CMTM4: variants seen among roughly 807,000 people sequenced by gnomAD.
CMTM4 encodes the protein CKLF like MARVEL transmembrane domain containing 4.
A neutral mutation model predicts 19.0 loss-of-function variants in CMTM4; 8 were observed. That is an observed-to-expected ratio of 0.42 (90% confidence interval 0.25 to 0.76). CMTM4 has a LOEUF of 0.76. Ranked by LOEUF, CMTM4 falls within the 30% of genes least tolerant of loss-of-function variation. CMTM4 has a pLI of 0.27. For synonymous variants in CMTM4, 106 were observed against 121.1 expected, an observed-to-expected ratio of 0.88 and a Z score of 0.82; for missense variants, 228 against 290.2, an observed-to-expected ratio of 0.79 and a Z score of 1.56.
In CMTM4 at chr16:66,617,790, T is replaced by C. The variant is rs1011582251; in HGVS notation, c.*4268A>G. 1.0e-6 allele frequency: 1 copy of C among 1,000,196 alleles called. No individual in the cohort carries two copies. The highest frequency in any genetic ancestry group is 1.7e-5 in the African/African-American group (1 of 57,342). The allele number at this position is 1,000,196 out of a possible 1,614,324, so 62.0% of individuals were successfully genotyped here. A position where few individuals can be genotyped will look rare whatever the true frequency, so the allele number is the denominator to read the frequency against. ...CCAAGCCAGCTTCAGAGTCACCTGC[T>C]GGACCCACATGTTCCTGAGCCAGAT... On this transcript the variant is annotated 3_prime_UTR_variant, in exon 4 of 4. Transcript: ENST00000394106.
At chr16:66,612,606 C>CA, downstream of CMTM4, 1 of 1,614,036 alleles carries the variant, frequency 6.2e-7, no homozygotes, top group Non-Finnish European at 8.5e-7. This position sits in a 1 kb window ranked among gnomAD's most constrained non-coding sequence, Gnocchi z 6.0. Context: ...GCTTTCCTTT[C>CA]AGAAGAGAAT....
In CMTM4 at chr16:66,677,155, G is replaced by A. The variant is rs561924593; in HGVS notation, c.186+19185C>T. ...AGAGCCTGAGGGTCTAGGACCACTT[G>A]GGACGAGGAAGGTTGAGGCTGCAGT... On this transcript the variant is annotated intron_variant, in intron 1 of 3. Coordinates refer to ENST00000394106, the MANE Select transcript of CMTM4 (RefSeq NM_181521.3). 1.8e-3 allele frequency among the ~76,000 whole-genome samples: 276 copies of A among 152,286 alleles called. 3 individuals are homozygous for A. The highest frequency in any genetic ancestry group is 3.5e-3 in the Non-Finnish European group (237 of 68,018).
downstream of CMTM4, among the ~76,000 whole-genome samples, chr16:66,612,122 G>A (rs927776566): frequency 6.6e-6 from 1 of 152,132 alleles, no homozygotes; most frequent in Admixed American, 6.5e-5. This position sits in a 1 kb window ranked among gnomAD's most constrained non-coding sequence, Gnocchi z 6.0. Context: ...GGAGGTGCAA[G>A]TGGCTTCTGC....
At chr16:66,680,934 G>A (rs2016903619) in intron 1 of CMTM4, among the ~76,000 whole-genome samples, 2 of 152,094 alleles carry the variant, frequency 1.3e-5, no homozygotes, top group South Asian at 2.1e-4. Context: ...AGGTCCTGCT[G>A]CAATAATCTC....
the CMTM4 span, chr16:66,604,755 C>A: frequency 5.5e-5 from 66 of 1,208,700 alleles, no homozygotes; most frequent in Non-Finnish European, 6.6e-5. Context: ...TCCCTCCGGG[C>A]GCGAGAAGAG....
chr16:66,601,410 G>A, the CMTM4 span, among the ~76,000 whole-genome samples: 157 of 152,316 alleles, frequency 1.0e-3, no homozygotes, highest in African/African-American at 3.4e-3. Context: ...CCTGGAGAGT[G>A]TGGCTCCTCT....
intron 1 of CMTM4, among the ~76,000 whole-genome samples, chr16:66,647,436 C>G (rs906165186): frequency 3.3e-5 from 5 of 151,902 alleles, no homozygotes; most frequent in Admixed American, 2.6e-4. Context: ...TGTCAGTCAT[C>G]TGAGAAGTCA....
In CMTM4 at chr16:66,668,996, G is replaced by A. The variant is rs187641801; in HGVS notation, c.186+27344C>T. ...ATTTCACTCCTGGGTATTAACCCCA[G>A]TGAGATAAAAACCTACATTCACAGA... On this transcript the variant is annotated intron_variant, in intron 1 of 3. Transcript: ENST00000394106. Among the ~76,000 whole-genome samples, 576 of 152,222 alleles carry A rather than the reference G, an allele frequency of 3.8e-3. 4 individuals carry two copies. The highest frequency in any genetic ancestry group is 0.012 in the African/African-American group (494 of 41,536).
chr16:66,689,217 G>A (rs2144923038), intron 1 of CMTM4, among the ~76,000 whole-genome samples: 1 of 152,274 alleles, frequency 6.6e-6, no homozygotes, highest in Middle Eastern at 3.4e-3. Context: ...ATGGGGGAAA[G>A]CATTCATTCT....
At chr16:66,608,188 G>A in the CMTM4 span, 1 of 1,041,640 alleles carries the variant, frequency 9.6e-7, no homozygotes, top group Middle Eastern at 2.1e-4. This position sits in a 1 kb window ranked among gnomAD's most constrained non-coding sequence, Gnocchi z 5.1. Context: ...CTGCGGGACT[G>A]TGAGCAGTTG....
At chr16:66,680,093 A>T (rs2016881105) in intron 1 of CMTM4, among the ~76,000 whole-genome samples, 1 of 152,240 alleles carries the variant, frequency 6.6e-6, no homozygotes, top group Non-Finnish European at 1.5e-5. Flanking sequence ...TCTGGCACAT[A>T]GCAATGCACA....
At chr16:66,650,671 A>C (rs562382686) in intron 1 of CMTM4, among the ~76,000 whole-genome samples, 57 of 152,258 alleles carry the variant, frequency 3.7e-4, no homozygotes, top group Admixed American at 3.7e-3. Flanking sequence ...TACTTAATAC[A>C]TGGATGTTAC....
downstream of CMTM4, chr16:66,612,984 C>T: frequency 1.4e-6 from 1 of 696,374 alleles, no homozygotes; most frequent in Non-Finnish European, 2.6e-6. This position sits in a 1 kb window ranked among gnomAD's most constrained non-coding sequence, Gnocchi z 6.0. Context: ...TTCCATGCTG[C>T]TAGGTGGCGG....
At chr16:66,609,764 T>C (rs780865235), downstream of CMTM4, 2 of 1,600,070 alleles carry the variant, frequency 1.2e-6, no homozygotes, top group East Asian at 4.5e-5. This position sits in a 1 kb window ranked among gnomAD's most constrained non-coding sequence, Gnocchi z 4.4. Flanking sequence ...CACAGGGGTC[T>C]GTGCCTGACA....
rs565279189 is a variant in CMTM4, at chr16:66,621,179, C to A, written c.*879G>T. On this transcript the variant is annotated 3_prime_UTR_variant, in exon 4 of 4. Transcript: ENST00000394106. ...GTGCATGTGTGCGCGCACGCGTGTGCATGCTGTTTTTTAACACAAACACCT... is the reference window on the plus strand; with the variant it reads ...GTGCATGTGTGCGCGCACGCGTGTGAATGCTGTTTTTTAACACAAACACCT... 3.0e-6 allele frequency: 3 copies of A among 985,440 alleles called. No homozygotes were observed. Among genetic ancestry groups the A allele is most frequent in the Non-Finnish European group, 3.6e-6 (3 of 829,936 alleles). The allele number at this position is 985,440 out of a possible 1,614,324, so 61.0% of individuals were successfully genotyped here. A position where few individuals can be genotyped will look rare whatever the true frequency, so the allele number is the denominator to read the frequency against.
the CMTM4 span, among the ~76,000 whole-genome samples, chr16:66,606,714 C>T: frequency 2.0e-5 from 3 of 152,192 alleles, no homozygotes; most frequent in African/African-American, 7.2e-5. Context: ...CTACCTGGGC[C>T]GGGCGTGGTG....
chr16:66,618,132 A>G lies in CMTM4; in HGVS notation c.*3926T>C, dbSNP rs1403218979. The G allele has an allele frequency of 1.0e-6, 1 of 985,332 alleles. No individual in the cohort carries two copies. Among genetic ancestry groups the G allele is most frequent in the Non-Finnish European group, 1.2e-6 (1 of 829,952 alleles). The allele number at this position is 985,332 out of a possible 1,614,324, so 61.0% of individuals were successfully genotyped here. A position where few individuals can be genotyped will look rare whatever the true frequency, so the allele number is the denominator to read the frequency against. On this transcript the variant is annotated 3_prime_UTR_variant, in exon 4 of 4. Coordinates refer to ENST00000394106, the MANE Select transcript of CMTM4 (RefSeq NM_181521.3). ...AAAAAACCCTGGATTCTGCAACTTC[A>G]CTAGGAAATAACAAGGCACCTAGAG...
intron 1 of CMTM4, among the ~76,000 whole-genome samples, chr16:66,684,314 C>A (rs1355476343): frequency 1.3e-5 from 2 of 152,112 alleles, no homozygotes; most frequent in Admixed American, 1.3e-4. Context: ...GCTGGGATTA[C>A]AAGTACCCAC....
At position 66,693,073 on chromosome 16, in the gene CMTM4, A is replaced by G. The variant is rs567738694; in HGVS notation, c.186+3267T>C. ...ACCCCGTCTCCACTAAAAATACAAA[A>G]ATTAGCCAGGCATGGTGGCAGGCGC... On this transcript the variant is annotated intron_variant, in intron 1 of 3. Transcript: ENST00000394106. Among the ~76,000 whole-genome samples the G allele has an allele frequency of 6.6e-5, 10 of 151,662 alleles. No homozygotes were observed. The South Asian group carries it at 2.1e-3, about 32-fold the overall frequency.
Sources: allele counts gnomAD v4.1 joint callset (sites outside exome capture counted in the v4.1 genomes callset), GRCh38; gene constraint gnomAD v4.1.1; non-coding constraint Gnocchi (gnomAD v3.1); transcripts MANE v1.5; gene names NCBI Gene and HGNC (gene_info 2026-07-23, HGNC 2026-07-21).